Variants in RPS10 observed in about 807,000 individuals in gnomAD.
RPS10 encodes the protein small ribosomal subunit protein eS10.
In RPS10, 2 loss-of-function variants were observed where a neutral mutation model predicts 22.6. The ratio of observed to expected loss-of-function variants is 0.09; its 90% confidence interval spans 0.04 to 0.28. RPS10 has a LOEUF of 0.28. RPS10 is among the 10% of genes least tolerant of loss of function. RPS10 has a pLI of 1.00. For synonymous variants in RPS10, 70 were observed against 75.9 expected (o/e 0.92, Z 0.40); for missense variants, 137 against 222.2 (o/e 0.62, Z 2.44).
At chr6:34,422,713 C>A (rs1166034069) in intron 3 of RPS10, among the ~76,000 whole-genome samples, 1 of 149,626 alleles carries the variant, frequency 6.7e-6, no homozygotes, top group Non-Finnish European at 1.5e-5. Flanking sequence ...CCCGCCTTGG[C>A]CTCCCAAAGT....
At chr6:34,419,818 T>C (rs972960309) in intron 4 of RPS10, among the ~76,000 whole-genome samples, 8 of 152,162 alleles carry the variant, frequency 5.3e-5, no homozygotes, top group African/African-American at 1.4e-4. Context: ...CCTCAGGTGA[T>C]CTGCCCGCCT....
At chr6:34,418,304 C>T in intron 5 of RPS10, 65 bp downstream of exon 5, 1 of 1,612,808 alleles carries the variant, frequency 6.2e-7, no homozygotes, top group Non-Finnish European at 8.5e-7. Context: ...CCACAACTTG[C>T]AGAGCAACCA....
At chr6:34,425,954 C>G (rs974020524) in intron 1 of RPS10, 78 bp downstream of exon 1, 1 of 152,784 alleles carries the variant, frequency 6.5e-6, no homozygotes, top group Non-Finnish European at 1.5e-5. Context: ...CTGCCCGCAT[C>G]CTGGGGAGAA....
intron 4 of RPS10, among the ~76,000 whole-genome samples, chr6:34,419,176 G>A (rs534666142): frequency 6.6e-6 from 1 of 151,756 alleles, no homozygotes; most frequent in Non-Finnish European, 1.5e-5. Flanking sequence ...GCGCCACCAT[G>A]CATGGCTAAT....
chr6:34,422,596 C>T (rs1054380393), intron 3 of RPS10, among the ~76,000 whole-genome samples: 1 of 151,254 alleles, frequency 6.6e-6, no homozygotes, highest in Non-Finnish European at 1.5e-5. Context: ...ATTATAGGCA[C>T]GAGCCACCAC....
At chr6:34,418,250 G>A in intron 5 of RPS10, 119 bp downstream of exon 5, 1 of 1,570,368 alleles carries the variant, frequency 6.4e-7, no homozygotes, top group South Asian at 1.2e-5. Context: ...AAAAGTGGGA[G>A]GAGGGAACTG....
chr6:34,421,606 A>C, intron 4 of RPS10, 124 bp downstream of exon 4: 1 of 1,082,158 alleles, frequency 9.2e-7, no homozygotes, highest in Non-Finnish European at 1.4e-6. Flanking sequence ...TGCAGAGTGA[A>C]ACCAAGAATC....
chr6:34,421,913 T>C (rs1765782269), intron 3 of RPS10, 106 bp from the exon 4 acceptor site: 2 of 1,155,436 alleles, frequency 1.7e-6, no homozygotes, highest in East Asian at 2.3e-5. Flanking sequence ...CAGCAACCAC[T>C]TGGTTAAGAT....
chr6:34,419,970 C>G (rs955592135), intron 4 of RPS10, among the ~76,000 whole-genome samples: 13 of 152,294 alleles, frequency 8.5e-5, no homozygotes, highest in African/African-American at 2.9e-4. Context: ...GTATCTCAAA[C>G]TCCTGGGCTC....
chr6:34,424,540 G>C, intron 3 of RPS10, 129 bp downstream of exon 3: 1 of 1,290,562 alleles, frequency 7.7e-7, no homozygotes, highest in African/African-American at 1.5e-5. Flanking sequence ...TGGGACAAAG[G>C]TTCTAGCACT....
intron 2 of RPS10, 90 bp downstream of exon 2, chr6:34,424,982 A>G: frequency 6.2e-7 from 1 of 1,609,614 alleles, no homozygotes; most frequent in Non-Finnish European, 8.5e-7. Flanking sequence ...CTTGAACCTT[A>G]GGGGAAGATC....
At chr6:34,419,681 G>A (rs769539750) in intron 4 of RPS10, among the ~76,000 whole-genome samples, 2 of 151,910 alleles carry the variant, frequency 1.3e-5, no homozygotes, top group Non-Finnish European at 2.9e-5. Flanking sequence ...GGGTTCAAGC[G>A]ATTCTCCTGC....
intron 1 of RPS10, 102 bp from the exon 2 acceptor site, chr6:34,425,323 A>C: frequency 6.8e-7 from 1 of 1,462,066 alleles, no homozygotes; most frequent in South Asian, 1.2e-5. Flanking sequence ...AACCGTAGAC[A>C]ACATGCTGGT....
intron 3 of RPS10, chr6:34,424,163 A>AAAC: frequency 1.3e-5 from 2 of 151,038 alleles, no homozygotes; most frequent in African/African-American, 4.9e-5. Flanking sequence ...AAAAAAAAAA[A>AAAC]AGCAACTGTG....
chr6:34,425,876 C>T (rs1765944841), intron 1 of RPS10, 156 bp downstream of exon 1: 1 of 155,366 alleles, frequency 6.4e-6, no homozygotes, highest in South Asian at 1.9e-4. Context: ...CCCCCTACCC[C>T]ATAAAATAAG....
At chr6:34,425,682 T>C (rs1765935602) in intron 1 of RPS10, 1 of 192,160 alleles carries the variant, frequency 5.2e-6, no homozygotes, top group Admixed American at 5.3e-5. Flanking sequence ...CCTCGTCTCC[T>C]ACCTACCACT....
At chr6:34,424,602 T>C (rs1765888544) in intron 3 of RPS10, 67 bp downstream of exon 3, 2 of 1,597,682 alleles carry the variant, frequency 1.3e-6, no homozygotes, top group African/African-American at 2.7e-5. Context: ...CAGCTAAGAA[T>C]GCTTTTGTCC....
chr6:34,419,478 A>T (rs1765689553), intron 4 of RPS10, among the ~76,000 whole-genome samples: 1 of 152,174 alleles, frequency 6.6e-6, no homozygotes, highest in African/African-American at 2.4e-5. Context: ...CAAAGACTTA[A>T]GAAAAAAAGA....
At position 34,421,827 on chromosome 6, in the gene RPS10, CTG is replaced by C. The variant is rs1765779468; in HGVS notation, c.323-22_323-21del. On this transcript the variant is annotated intron_variant, in intron 3 of 5. Transcript: ENST00000648437. ...CCAGACCTATGTAAATCAAACCACA[CTG>C]TGAACACAGGGCAATGTGAGAACTC... 1 of 1,613,922 alleles carries C rather than the reference CTG, an allele frequency of 6.2e-7. No individual in the cohort carries two copies. The highest frequency in any genetic ancestry group is 8.5e-7 in the Non-Finnish European group (1 of 1,179,830).
Sources: gnomAD v4.1 joint callset for allele counts (sites outside exome capture counted in the v4.1 genomes callset) on GRCh38, gnomAD v4.1.1 for gene constraint, MANE v1.5 for transcripts, NCBI Gene and HGNC (gene_info 2026-07-23, HGNC 2026-07-21) for gene names.